Variants in BABAM2 observed in about 807,000 individuals in gnomAD.
BABAM2 encodes BRISC and BRCA1 A complex member 2, also known as BRISC and BRCA1-A complex member 2.
BABAM2 carries 31 observed loss-of-function variants against 54.7 expected under a neutral mutation model. The ratio of observed to expected loss-of-function variants is 0.57; its 90% CI spans 0.43 to 0.77. BABAM2 has a LOEUF of 0.77. BABAM2 is among the 30% of genes least tolerant of loss of function. The probability of loss-of-function intolerance (pLI) is 0.00; values close to 1 mark genes in which losing one functional copy is unlikely to be tolerated. For missense variants in BABAM2, 364 were observed against 455.8 expected, an observed-to-expected ratio of 0.80 and a Z score of 1.83; for synonymous variants, 167 against 162.9, an observed-to-expected ratio of 1.03 and a Z score of -0.19.
chr2:27,958,157 C>T (rs1356253428), intron 3 of BABAM2, among the ~76,000 whole-genome samples: 1 of 152,152 alleles, frequency 6.6e-6, no homozygotes, highest in Non-Finnish European at 1.5e-5. Flanking sequence ...ATATTTCTAA[C>T]CCACAGAATC....
At position 27,930,306 on chromosome 2, in the gene BABAM2, C is replaced by T. The variant is rs572118472; in HGVS notation, c.205+398C>T. The T allele has an allele frequency of 1.1e-4, 20 of 176,004 alleles. No homozygotes were observed. The South Asian group carries it at 2.4e-3, about 21-fold the overall frequency. The allele number at this position is 176,004 out of a possible 1,614,324, so 10.9% of individuals were successfully genotyped here. Reference sequence around the variant, plus strand: ...ACCCCCCTGTGGAACCGCTGCGCCACGACTTGTCACTGATTTATCTCCTGT... The same window carrying T: ...ACCCCCCTGTGGAACCGCTGCGCCATGACTTGTCACTGATTTATCTCCTGT... On this transcript the variant is annotated intron_variant, in intron 3 of 11. Transcript: ENST00000379624.
Position 28,338,562 on chromosome 2 carries a change from G to A in BABAM2, c.*49G>A, listed in dbSNP as rs760281847. 8.1e-6 allele frequency: 13 copies of A among 1,598,478 alleles called. No homozygotes were observed. Among genetic ancestry groups the A allele is most frequent in the African/African-American group, 5.4e-5 (4 of 74,582 alleles). Reference sequence around the variant, plus strand: ...CCAGCCAGACTGCCTGTCCACATGCGTGTCAGCACATACAGCCGCTTCCTG... The same window carrying A: ...CCAGCCAGACTGCCTGTCCACATGCATGTCAGCACATACAGCCGCTTCCTG... On this transcript the variant is annotated 3_prime_UTR_variant, in exon 12 of 12. Transcript: ENST00000379624.
intron 11 of BABAM2, among the ~76,000 whole-genome samples, chr2:28,326,824 CA>C (rs767965019): frequency 6.6e-6 from 1 of 152,190 alleles, no homozygotes; most frequent in Non-Finnish European, 1.5e-5. Flanking sequence ...GCTAACGTGC[CA>C]TTAGGATACG....
At chr2:27,927,404 G>A (rs956100206) in intron 2 of BABAM2, among the ~76,000 whole-genome samples, 4 of 152,158 alleles carry the variant, frequency 2.6e-5, no homozygotes, top group African/African-American at 9.7e-5. Context: ...TGTGAATGGT[G>A]TTTTTCATAA....
intron 7 of BABAM2, among the ~76,000 whole-genome samples, chr2:28,231,378 T>C (rs1459944873): frequency 1.3e-5 from 2 of 152,206 alleles, no homozygotes; most frequent in East Asian, 1.9e-4. Context: ...AGTCGTGTGT[T>C]CAGAATGGGA....
At chr2:28,030,502 A>G (rs988503980) in intron 5 of BABAM2, among the ~76,000 whole-genome samples, 10 of 152,228 alleles carry the variant, frequency 6.6e-5, no homozygotes, top group East Asian at 3.8e-4. Flanking sequence ...AAGTAAAACT[A>G]TGAGTTGGAA....
chr2:28,174,567 C>T (rs918045787), intron 7 of BABAM2, among the ~76,000 whole-genome samples: 2 of 148,062 alleles, frequency 1.4e-5, no homozygotes, highest in Non-Finnish European at 3.0e-5. Flanking sequence ...CCCTGAGAGG[C>T]TCCTCAGTGT....
chr2:28,132,227 C>T (rs1670146821), intron 7 of BABAM2, among the ~76,000 whole-genome samples: 1 of 151,662 alleles, frequency 6.6e-6, no homozygotes, highest in African/African-American at 2.4e-5. Flanking sequence ...CAAGCTCCGC[C>T]TCCCGGGTTC....
chr2:28,131,744 T>C (rs996753303), intron 7 of BABAM2, among the ~76,000 whole-genome samples: 2 of 152,104 alleles, frequency 1.3e-5, no homozygotes, highest in Admixed American at 6.5e-5. Flanking sequence ...CAGGGATAAG[T>C]TGGGGCAGAA....
At chr2:28,066,142 G>A (rs1663537033) in intron 6 of BABAM2, among the ~76,000 whole-genome samples, 1 of 148,694 alleles carries the variant, frequency 6.7e-6, no homozygotes, top group Admixed American at 6.8e-5. Context: ...CTAGGCGACA[G>A]AATGAGACTC....
At chr2:28,218,551 T>C (rs1013920179) in intron 7 of BABAM2, among the ~76,000 whole-genome samples, 1 of 152,218 alleles carries the variant, frequency 6.6e-6, no homozygotes, top group Non-Finnish European at 1.5e-5. Flanking sequence ...ATGTGTGACA[T>C]GATGTGTCTG....
chr2:27,913,804 G>A (rs989070417), intron 2 of BABAM2, among the ~76,000 whole-genome samples: 1 of 152,146 alleles, frequency 6.6e-6, no homozygotes, highest in Non-Finnish European at 1.5e-5. Flanking sequence ...TCTTAAAGCT[G>A]TAATGTAGTT....
At chr2:28,330,259 T>C (rs1690835118) in intron 11 of BABAM2, among the ~76,000 whole-genome samples, 1 of 152,170 alleles carries the variant, frequency 6.6e-6, no homozygotes, top group Admixed American at 6.5e-5. Context: ...AGCATTCCCC[T>C]TGAAAACCAG....
chr2:28,222,688 T>G (rs1188378554), intron 7 of BABAM2, among the ~76,000 whole-genome samples: 1 of 152,228 alleles, frequency 6.6e-6, no homozygotes, highest in Non-Finnish European at 1.5e-5. Context: ...TCCAAAAAAG[T>G]TATTAGGCCA....
intron 10 of BABAM2, among the ~76,000 whole-genome samples, chr2:28,295,605 C>T (rs975392367): frequency 6.6e-6 from 1 of 152,038 alleles, no homozygotes; most frequent in Non-Finnish European, 1.5e-5. Context: ...AAGAGATTCT[C>T]CTGTCTCAGC....
At chr2:28,090,676 T>G (rs540576908) in intron 6 of BABAM2, among the ~76,000 whole-genome samples, 1 of 152,346 alleles carries the variant, frequency 6.6e-6, no homozygotes, top group African/African-American at 2.4e-5. Context: ...TATACTTCTT[T>G]AAGATCTCTA....
At chr2:28,118,571 G>GT (rs1558354311) in intron 6 of BABAM2, among the ~76,000 whole-genome samples, 2 of 151,416 alleles carry the variant, frequency 1.3e-5, no homozygotes, top group Non-Finnish European at 2.9e-5. Context: ...AGGGTTGTTT[G>GT]TTTTTTTTCT....
At chr2:28,267,662 A>G (rs541242919) in intron 10 of BABAM2, among the ~76,000 whole-genome samples, 95 of 152,332 alleles carry the variant, frequency 6.2e-4, no homozygotes, top group Middle Eastern at 3.4e-3. Context: ...TGGCTCCACC[A>G]TTCCCTATGG....
At chr2:28,147,284 A>G (rs903540367) in intron 7 of BABAM2, among the ~76,000 whole-genome samples, 9 of 152,186 alleles carry the variant, frequency 5.9e-5, no homozygotes, top group African/African-American at 7.2e-5. Context: ...ATTTTGACAA[A>G]TCATTCTTAA....
Sources: gnomAD v4.1 joint callset for allele counts (sites outside exome capture counted in the v4.1 genomes callset) on GRCh38, gnomAD v4.1.1 for gene constraint, MANE v1.5 for transcripts, NCBI Gene and HGNC (gene_info 2026-07-23, HGNC 2026-07-21) for gene names.